RASGRF2: variants seen among roughly 807,000 people sequenced by gnomAD.
RASGRF2 encodes the protein Ras protein specific guanine nucleotide releasing factor 2, also known as ras-specific guanine nucleotide-releasing factor 2.
Under a neutral mutation model 151.0 loss-of-function variants are expected in RASGRF2, and 76 were observed. The ratio of observed to expected loss-of-function variants is 0.50; its 90% CI spans 0.42 to 0.61. The LOEUF is 0.61. Among genes scored for constraint, RASGRF2 ranks in the 20% least tolerant of loss-of-function variants. RASGRF2 has a pLI of 0.00. For missense variants in RASGRF2, 1,148 were observed against 1,564.6 expected, an observed-to-expected ratio of 0.73 and a Z score of 4.49; for synonymous variants, 504 against 566.5, an observed-to-expected ratio of 0.89 and a Z score of 1.57.
chr5:81,065,107 A>T (rs1048811297), intron 2 of RASGRF2, among the ~76,000 whole-genome samples: 16 of 152,162 alleles, frequency 1.1e-4, no homozygotes, highest in Admixed American at 9.2e-4. Context: ...CCTCAAGATG[A>T]TAATGCATCT....
intron 7 of RASGRF2, among the ~76,000 whole-genome samples, chr5:81,081,384 G>T (rs1335309487): frequency 6.6e-6 from 1 of 152,214 alleles, no homozygotes; most frequent in Non-Finnish European, 1.5e-5. Context: ...GGTGGCCGCA[G>T]GGGCTCCCTT....
chr5:81,104,082 A>G (rs759570941), intron 12 of RASGRF2, among the ~76,000 whole-genome samples: 1 of 152,164 alleles, frequency 6.6e-6, no homozygotes, highest in Non-Finnish European at 1.5e-5. Flanking sequence ...ATCAGCTTCA[A>G]GATAGTCATT....
intron 1 of RASGRF2, among the ~76,000 whole-genome samples, chr5:81,021,993 G>A (rs115063255): frequency 0.011 from 1,680 of 152,274 alleles, 42 homozygotes; most frequent in African/African-American, 0.039. Flanking sequence ...TCTTCAGACC[G>A]GTTGGTGTCA....
intron 18 of RASGRF2, among the ~76,000 whole-genome samples, chr5:81,182,688 A>G (rs1234410099): frequency 6.6e-6 from 1 of 152,146 alleles, no homozygotes; most frequent in African/African-American, 2.4e-5. Flanking sequence ...TTCGGGCCTC[A>G]TTGTGTGCAT....
intron 19 of RASGRF2, 143 bp from the exon 20 acceptor site, chr5:81,206,702 G>T: frequency 1.5e-6 from 1 of 674,642 alleles, no homozygotes. Context: ...CTCATCTCCA[G>T]CTCAGCAGTT....
At chr5:81,042,733 G>A (rs1309910639) in intron 1 of RASGRF2, 144 bp from the exon 2 acceptor site, 4 of 595,698 alleles carry the variant, frequency 6.7e-6, no homozygotes, top group African/African-American at 1.9e-5. Flanking sequence ...TGGACCCAGA[G>A]TGAAATGTTA....
At chr5:80,991,863 A>G (rs1748662156) in intron 1 of RASGRF2, among the ~76,000 whole-genome samples, 1 of 152,196 alleles carries the variant, frequency 6.6e-6, no homozygotes, top group Admixed American at 6.6e-5. Flanking sequence ...GACTAACAAC[A>G]CATGTGAATT....
chr5:81,067,114 G>A (rs1174736775), intron 2 of RASGRF2, among the ~76,000 whole-genome samples: 1 of 152,172 alleles, frequency 6.6e-6, no homozygotes, highest in Non-Finnish European at 1.5e-5. Flanking sequence ...TCGCCTCTGT[G>A]AAGATCAAAT....
At chr5:81,124,815 A>C (rs1193402300) in intron 16 of RASGRF2, among the ~76,000 whole-genome samples, 1 of 152,216 alleles carries the variant, frequency 6.6e-6, no homozygotes, top group Admixed American at 6.5e-5. Context: ...TTCTTAAGCC[A>C]ATTATTTCAA....
intron 26 of RASGRF2, among the ~76,000 whole-genome samples, chr5:81,222,416 C>G (rs1755875239): frequency 6.6e-6 from 1 of 152,166 alleles, no homozygotes; most frequent in African/African-American, 2.4e-5. Context: ...CTATGTTCTT[C>G]CTTCTGTCTG....
chr5:81,080,228 T>C, intron 6 of RASGRF2, 28 bp downstream of exon 6: 1 of 1,582,370 alleles, frequency 6.3e-7, no homozygotes, highest in Non-Finnish European at 8.5e-7. Flanking sequence ...AGGTGTAAGA[T>C]TTTCTTTTAG....
At chr5:81,194,612 T>A (rs996369096) in intron 18 of RASGRF2, among the ~76,000 whole-genome samples, 5 of 152,210 alleles carry the variant, frequency 3.3e-5, no homozygotes, top group African/African-American at 1.2e-4. Flanking sequence ...AAGCGTGTGC[T>A]GGGTGCCACA....
chr5:81,139,882 C>CA (rs1753842957), intron 17 of RASGRF2, among the ~76,000 whole-genome samples: 1 of 152,116 alleles, frequency 6.6e-6, no homozygotes, highest in South Asian at 2.1e-4. Flanking sequence ...TCATGGAGTA[C>CA]AGTGACACAA....
rs1175390264 is a variant in RASGRF2 at position 80,960,949 on chromosome 5, T to A, written c.211T>A (p.Cys71Ser). The change falls in exon 1 of 27, where the codon TGC becomes AGC. Residue 71 changes from cysteine to serine, a missense_variant. Physicochemically the swap from Cys to Ser is moderately radical, Grantham distance 112. Around this residue, in one of 5 missense-constraint regions of RASGRF2, gnomAD observed 221 missense variants for 271.3 expected, o/e 0.81. Transcript: ENST00000265080. This position sits in a 1 kb window ranked among gnomAD's most constrained non-coding sequence, Gnocchi z 5.5. ...RPAGMYLLEG[C>S]SCERTPAPPR... ...GGCGGGCATGTACCTCCTGGAGGGC[T>A]GCAGCTGCGAACGAACGCCCGCGCC... 6.4e-7 allele frequency: 1 copy of A among 1,572,520 alleles called. No homozygotes were observed. The highest frequency in any genetic ancestry group is 1.7e-5 in the Admixed American group (1 of 57,962).
At chr5:81,071,523 T>C (rs891579449) in intron 4 of RASGRF2, among the ~76,000 whole-genome samples, 1 of 152,214 alleles carries the variant, frequency 6.6e-6, no homozygotes, top group African/African-American at 2.4e-5. Context: ...AATTATATTT[T>C]ATATTCTTTT....
At chr5:81,096,700 G>C (rs1473104709) in intron 12 of RASGRF2, among the ~76,000 whole-genome samples, 4 of 152,076 alleles carry the variant, frequency 2.6e-5, no homozygotes, top group Non-Finnish European at 1.5e-5. Context: ...AAGACCCTTG[G>C]AGTGCGTGAA....
intron 17 of RASGRF2, among the ~76,000 whole-genome samples, chr5:81,178,350 AG>A (rs1284476108): frequency 6.6e-6 from 1 of 152,238 alleles, no homozygotes; most frequent in East Asian, 1.9e-4. Flanking sequence ...TTACTGAGCT[AG>A]GGAACACTAG....
rs1366755415 is a variant in RASGRF2 at position 81,024,258 on chromosome 5, T to A, written c.289-18619T>A. ...TAGAGGTATTCATATAATTTTTTTT[T>A]TTTTTTTTTTTTTTTTTTGAGACAG... On this transcript the variant is annotated intron_variant, in intron 1 of 26. Transcript: ENST00000265080. Among the ~76,000 whole-genome samples, 8 of 142,958 alleles carry A rather than the reference T, an allele frequency of 5.6e-5. No individual in the cohort carries two copies. The South Asian group carries it at 1.6e-3, about 29-fold the overall frequency. The allele number at this position is 142,958 out of a possible 152,430, so 93.8% of individuals were successfully genotyped here.
chr5:81,131,285 A>G (rs1208249979), intron 17 of RASGRF2, among the ~76,000 whole-genome samples: 2 of 152,032 alleles, frequency 1.3e-5, no homozygotes, highest in Non-Finnish European at 2.9e-5. Flanking sequence ...TCTGTTTGGG[A>G]TTGCCTGCCC....
Sources: allele counts gnomAD v4.1 joint callset (sites outside exome capture counted in the v4.1 genomes callset), GRCh38; gene constraint gnomAD v4.1.1; regional missense constraint gnomAD v4.1.1; non-coding constraint Gnocchi (gnomAD v3.1); transcripts MANE v1.5; gene names NCBI Gene and HGNC (gene_info 2026-07-23, HGNC 2026-07-21).